Variants in INSYN2B observed in about 807,000 individuals in gnomAD.
The protein encoded by INSYN2B is inhibitory synaptic factor family member 2B.
A neutral mutation model predicts 41.2 loss-of-function variants in INSYN2B; 16 were observed. The observed-to-expected ratio is 0.39, with a 90% CI of 0.26 to 0.59. The LOEUF is 0.59. INSYN2B is among the 20% of genes least tolerant of loss of function. INSYN2B has a pLI of 0.57. For synonymous variants in INSYN2B, 245 were observed against 244.4 expected (o/e 1.00, Z -0.02); for missense variants, 608 against 646.4 (o/e 0.94, Z 0.64).
chr5:169,955,034 A>C lies in INSYN2B; in HGVS notation c.-919+25243T>G, dbSNP rs192292242. Among the ~76,000 whole-genome samples, 356 of 152,338 alleles carry C rather than the reference A, an allele frequency of 2.3e-3. 1 individual carries two copies. Among genetic ancestry groups the C allele is most frequent in the African/African-American group, 8.1e-3 (338 of 41,576 alleles). On this transcript the variant is annotated intron_variant, in intron 1 of 3. Coordinates refer to ENST00000377365, the MANE Select transcript of INSYN2B (RefSeq NM_001129891.3). Reference sequence around the variant, plus strand: ...CTCAAGGGATTGGAAGAGCAGTCACAGGTCTCCACCAGCCAAGAGCAAACC... The same window carrying C: ...CTCAAGGGATTGGAAGAGCAGTCACCGGTCTCCACCAGCCAAGAGCAAACC...
intron 1 of INSYN2B, among the ~76,000 whole-genome samples, chr5:169,963,893 G>T (rs1399285096): frequency 6.6e-6 from 1 of 152,170 alleles, no homozygotes; most frequent in Non-Finnish European, 1.5e-5. Context: ...TGGGTGTGGG[G>T]TGGAGCCTGA....
intron 1 of INSYN2B, among the ~76,000 whole-genome samples, chr5:169,968,651 G>A (rs932645742): frequency 1.6e-4 from 24 of 152,212 alleles, no homozygotes; most frequent in African/African-American, 5.3e-4. Context: ...CAGAGAGACT[G>A]AGTCTTCGAA....
At chr5:169,917,717 A>G (rs1774953695) in intron 1 of INSYN2B, among the ~76,000 whole-genome samples, 1 of 152,204 alleles carries the variant, frequency 6.6e-6, no homozygotes, top group Non-Finnish European at 1.5e-5. Context: ...CACAGGGAAG[A>G]TAATTGAAGA....
At position 169,883,146 on chromosome 5, in the gene INSYN2B, A is replaced by G. The variant is rs770675876; in HGVS notation, c.753T>C (p.Asp251=). The part of the protein sequence containing the change: ...PGDGRRVTPL[D]SEKSTSCLNA... ...TTAAGCAGGAGGTGGATTTTTCTGA[A>G]TCTAGTGGAGTCACCCTTCTCCCAT... Residue 251 remains aspartate (D), a synonymous_variant, in exon 2 of 4, where the codon GAT becomes GAC. Transcript: ENST00000377365. 1.0e-4 allele frequency: 162 copies of G among 1,551,378 alleles called. No homozygotes were observed. The highest frequency in any genetic ancestry group is 2.2e-4 in the Admixed American group (11 of 50,970).
intron 1 of INSYN2B, among the ~76,000 whole-genome samples, chr5:169,900,486 A>G (rs2113576265): frequency 6.6e-6 from 1 of 152,328 alleles, no homozygotes; most frequent in Non-Finnish European, 1.5e-5. Flanking sequence ...GCATGGCATG[A>G]AGGACCTTAT....
At chr5:169,946,255 CA>C (rs1776444084) in intron 1 of INSYN2B, among the ~76,000 whole-genome samples, 1 of 152,198 alleles carries the variant, frequency 6.6e-6, no homozygotes, top group Non-Finnish European at 1.5e-5. Flanking sequence ...GTGAAGAAAG[CA>C]GTGTTCCAGC....
chr5:169,950,288 A>G (rs923541840), intron 1 of INSYN2B, among the ~76,000 whole-genome samples: 2 of 152,238 alleles, frequency 1.3e-5, no homozygotes, highest in Non-Finnish European at 2.9e-5. Context: ...TCATAAGAGA[A>G]CAAGCAGACC....
rs2113509898 is a variant in INSYN2B, at chr5:169,883,359, A to G, written c.540T>C (p.Asn180=). The part of the protein sequence containing the change: ...FLPRVPKVQS[N]GPVSICLEAG... ...CTTCCAAGCATATGCTAACAGGACC[A>G]TTGCTTTGCACCTTGGGGACCCTTG... Residue 180 remains asparagine (N), a synonymous_variant, in exon 2 of 4, where the codon AAT becomes AAC. Transcript: ENST00000377365. 1 of 1,551,644 alleles carries G rather than the reference A, an allele frequency of 6.4e-7. No homozygotes were observed. The highest frequency in any genetic ancestry group is 8.7e-7 in the Non-Finnish European group (1 of 1,146,952).
At chr5:169,965,740 A>G (rs1345725615) in intron 1 of INSYN2B, among the ~76,000 whole-genome samples, 2 of 152,178 alleles carry the variant, frequency 1.3e-5, no homozygotes, top group African/African-American at 2.4e-5. Context: ...CCAATTATAG[A>G]CTTTCAGAAT....
At chr5:169,972,583 A>T (rs1226002755) in intron 1 of INSYN2B, among the ~76,000 whole-genome samples, 3 of 47,732 alleles carry the variant, frequency 6.3e-5, no homozygotes, top group African/African-American at 2.6e-4. Context: ...ATAGATAGAT[A>T]GATGATAGAT....
chr5:169,904,816 G>A (rs1370236844), intron 1 of INSYN2B, among the ~76,000 whole-genome samples: 1 of 152,154 alleles, frequency 6.6e-6, no homozygotes, highest in African/African-American at 2.4e-5. Flanking sequence ...GTCACTCCTA[G>A]TAGCAACACA....
At chr5:169,902,542 C>T (rs185820203) in intron 1 of INSYN2B, among the ~76,000 whole-genome samples, 9 of 152,276 alleles carry the variant, frequency 5.9e-5, no homozygotes, top group Admixed American at 5.9e-4. Flanking sequence ...CAGCCTTGAC[C>T]TGGGTTGAGA....
At chr5:169,902,280 A>G (rs1359690622) in intron 1 of INSYN2B, among the ~76,000 whole-genome samples, 1 of 152,248 alleles carries the variant, frequency 6.6e-6, no homozygotes, top group Non-Finnish European at 1.5e-5. Flanking sequence ...GATAACCAGC[A>G]TCACTTGGTG....
chr5:169,958,999 A>G (rs1034906364), intron 1 of INSYN2B, among the ~76,000 whole-genome samples: 3 of 152,220 alleles, frequency 2.0e-5, no homozygotes, highest in African/African-American at 7.2e-5. Context: ...TTAGTAAACT[A>G]CTAACTTATA....
In INSYN2B at chr5:169,951,913, A is replaced by G. The variant is rs369087201; in HGVS notation, c.-919+28364T>C. On this transcript the variant is annotated intron_variant, in intron 1 of 3. Transcript: ENST00000377365. ...CCAGAACCAGAGCCCCAGGCTCACA[A>G]ACTTCACTACCTTGACTCCTAGGCT... Among the ~76,000 whole-genome samples, 280 of 152,300 alleles carry G rather than the reference A, an allele frequency of 1.8e-3. 6 individuals carry two copies. The South Asian group carries it at 0.048, about 26-fold the overall frequency.
intron 3 of INSYN2B, among the ~76,000 whole-genome samples, chr5:169,873,231 A>G (rs1772098021): frequency 6.6e-6 from 1 of 152,248 alleles, no homozygotes; most frequent in Admixed American, 6.5e-5. Flanking sequence ...AAAGGGGTAA[A>G]GCCATTCAAG....
chr5:169,891,763 TCA>T (rs1454817941), intron 1 of INSYN2B, among the ~76,000 whole-genome samples: 3 of 148,964 alleles, frequency 2.0e-5, no homozygotes, highest in Non-Finnish European at 4.4e-5. Context: ...GGCAGGTGGA[TCA>T]CAAGGTCAGG....
chr5:169,912,758 G>T (rs930578447), intron 1 of INSYN2B, among the ~76,000 whole-genome samples: 7 of 152,068 alleles, frequency 4.6e-5, no homozygotes, highest in African/African-American at 1.7e-4. Flanking sequence ...GTAAAGAAAG[G>T]AGGATCAAAC....
chr5:169,937,148 T>G (rs1776035165), intron 1 of INSYN2B, among the ~76,000 whole-genome samples: 1 of 152,268 alleles, frequency 6.6e-6, no homozygotes, highest in Non-Finnish European at 1.5e-5. Context: ...GGCACAGATA[T>G]GCTTATTTCT....
Sources: gnomAD v4.1 joint callset for allele counts (sites outside exome capture counted in the v4.1 genomes callset) on GRCh38, gnomAD v4.1.1 for gene constraint, MANE v1.5 for transcripts, NCBI Gene and HGNC (gene_info 2026-07-23, HGNC 2026-07-21) for gene names.